The following CES5A variants were observed in gnomAD, a reference collection of about 807,000 sequenced individuals.
CES5A encodes carboxylesterase 5.
A neutral mutation model predicts 62.9 loss-of-function variants in CES5A; 67 were observed. The ratio of observed to expected loss-of-function variants is 1.07; its 90% CI spans 0.88 to 1.31. The LOEUF (loss-of-function observed/expected upper bound fraction) is 1.31. Among genes scored for constraint, CES5A ranks in the 50% most tolerant of loss-of-function variants. The pLI is 0.00. For missense variants in CES5A, 748 were observed against 708.5 expected (o/e 1.06, Z -0.63); for synonymous variants, 296 against 280.8 (o/e 1.05, Z -0.54).
At chr16:55,868,410 C>T (rs1417008731) in intron 4 of CES5A, among the ~76,000 whole-genome samples, 1 of 152,142 alleles carries the variant, frequency 6.6e-6, no homozygotes, top group Non-Finnish European at 1.5e-5. Context: ...GCACAGGTAG[C>T]ACCCTTTGCC....
rs370527653 is a variant in CES5A at position 55,846,481 on chromosome 16, G to T, written c.1698C>A (p.Leu566=). 10 of 1,613,808 alleles carry T rather than the reference G, an allele frequency of 6.2e-6. No homozygotes were observed. Among genetic ancestry groups the T allele is most frequent in the Non-Finnish European group, 8.5e-6 (10 of 1,179,834 alleles). Reference sequence around the variant, plus strand: ...GAGCACAAAAGAAAAAGAAAGGCTGGAGGAGAGAGAGGAAAGTTAAGGAAG... The same window carrying T: ...GAGCACAAAAGAAAAAGAAAGGCTGTAGGAGAGAGAGGAAAGTTAAGGAAG... ...PLSSLTFLSL[L]QPFFFFCAP Residue 566 remains leucine (L), a synonymous_variant, in exon 13 of 13, where the codon CTC becomes CTA. Coordinates refer to ENST00000290567, the MANE Select transcript of CES5A (RefSeq NM_001143685.2).
In CES5A at chr16:55,863,409, A is replaced by G; in HGVS notation, c.749T>C (p.Met250Thr). ...MAKGLFHKAIMESGVAIIPYL... is the reference protein window; with the variant it reads ...MAKGLFHKAITESGVAIIPYL... ...AGGGATGATGGCCACCCCACTCTCC[A>G]TGATGGCTTTGTGGAATAAGCCTTT... Residue 250 changes from methionine to threonine, a missense_variant, in exon 6 of 13, where the codon ATG becomes ACG. Met to Thr is a moderately conservative substitution (Grantham distance 81, BLOSUM62 -1). Coordinates refer to ENST00000290567, the MANE Select transcript of CES5A (RefSeq NM_001143685.2). 6.2e-7 allele frequency: 1 copy of G among 1,610,212 alleles called. No individual in the cohort carries two copies.
intron 10 of CES5A, among the ~76,000 whole-genome samples, chr16:55,851,488 G>A (rs185601476): frequency 2.5e-3 from 385 of 152,256 alleles, no homozygotes; most frequent in South Asian, 0.023. Context: ...AACAACAACA[G>A]AAGAAAATAA....
intron 1 of CES5A, among the ~76,000 whole-genome samples, chr16:55,887,537 C>T (rs192215260): frequency 6.6e-6 from 1 of 152,136 alleles, no homozygotes; most frequent in African/African-American, 2.4e-5. Context: ...GAGTCTGGAG[C>T]ATCTCACCAG....
At chr16:55,910,052 C>G (rs1215760577) in intron 1 of CES5A, among the ~76,000 whole-genome samples, 1 of 152,088 alleles carries the variant, frequency 6.6e-6, no homozygotes, top group South Asian at 2.1e-4. Flanking sequence ...TCAGTGAGCC[C>G]GACATGCCAT....
chr16:55,926,625 C>G (rs1203485762), upstream of CES5A, among the ~76,000 whole-genome samples: 1 of 152,234 alleles, frequency 6.6e-6, no homozygotes, highest in Non-Finnish European at 1.5e-5. Flanking sequence ...CACCAAAACT[C>G]TGGCAAAATT....
intron 1 of CES5A, among the ~76,000 whole-genome samples, chr16:55,897,218 A>C (rs2033943250): frequency 2.6e-5 from 4 of 152,054 alleles, no homozygotes. Context: ...TGCTGTCCTG[A>C]CAGAGAACCA....
At chr16:55,943,928 A>C in intron 2 of CES5A, 1 of 665,376 alleles carries the variant, frequency 1.5e-6, no homozygotes, top group Non-Finnish European at 2.7e-6. Context: ...TCTAGAGCTG[A>C]AGGGGCAGTA....
intron 2 of CES5A, among the ~76,000 whole-genome samples, chr16:55,948,361 A>C (rs1460172032): frequency 6.6e-6 from 1 of 152,206 alleles, no homozygotes; most frequent in African/African-American, 2.4e-5. Context: ...AGGAACAGTC[A>C]ATTATGCATC....
chr16:55,898,150 T>A (rs1202082430), intron 1 of CES5A, among the ~76,000 whole-genome samples: 1 of 152,164 alleles, frequency 6.6e-6, no homozygotes, highest in Non-Finnish European at 1.5e-5. Context: ...TTGGTAAAAA[T>A]TGATTTATGC....
chr16:55,871,555 G>A (rs2033585303), intron 3 of CES5A, 70 bp downstream of exon 3: 1 of 1,568,222 alleles, frequency 6.4e-7, no homozygotes, highest in African/African-American at 1.4e-5. Flanking sequence ...CAGACATGTA[G>A]CTGCACTGCC....
At chr16:55,918,933 T>C (rs1011351517) in intron 1 of CES5A, among the ~76,000 whole-genome samples, 1 of 152,250 alleles carries the variant, frequency 6.6e-6, no homozygotes, top group East Asian at 1.9e-4. Flanking sequence ...CCAGGGTGAG[T>C]ATCTCTACCA....
intron 1 of CES5A, among the ~76,000 whole-genome samples, chr16:55,905,480 C>T (rs2034031721): frequency 6.6e-6 from 1 of 151,994 alleles, no homozygotes; most frequent in Non-Finnish European, 1.5e-5. Flanking sequence ...AATTCTCCTG[C>T]CTCAGCCTCC....
chr16:55,876,780 C>T (rs1192960453), upstream of CES5A, among the ~76,000 whole-genome samples: 2 of 152,130 alleles, frequency 1.3e-5, no homozygotes, highest in African/African-American at 4.8e-5. Context: ...CCCTTGGATC[C>T]CAAATTCCTT....
intron 2 of CES5A, among the ~76,000 whole-genome samples, chr16:55,937,398 G>A (rs1184940847): frequency 6.6e-6 from 1 of 152,196 alleles, no homozygotes; most frequent in African/African-American, 2.4e-5. Flanking sequence ...AAAGCAGTGA[G>A]GCAGGCTTAC....
chr16:55,852,755 C>A, intron 10 of CES5A, 126 bp downstream of exon 10: 1 of 1,068,584 alleles, frequency 9.4e-7, no homozygotes, highest in Non-Finnish European at 1.3e-6. Context: ...TCCAGGCACA[C>A]CTGGAAATGC....
chr16:55,918,890 T>C (rs1185998128), intron 1 of CES5A, among the ~76,000 whole-genome samples: 1 of 152,192 alleles, frequency 6.6e-6, no homozygotes, highest in Non-Finnish European at 1.5e-5. Context: ...CTTTTATCCC[T>C]TCCCACTTCC....
chr16:55,928,513 C>A (rs2034279886), upstream of CES5A, among the ~76,000 whole-genome samples: 1 of 152,100 alleles, frequency 6.6e-6, no homozygotes, highest in African/African-American at 2.4e-5. Flanking sequence ...ACCCAGACTT[C>A]GTCACTATAC....
chr16:55,942,676 C>A (rs1368682305), intron 2 of CES5A, among the ~76,000 whole-genome samples: 2 of 152,160 alleles, frequency 1.3e-5, no homozygotes, highest in Admixed American at 1.3e-4. Context: ...ACATTCCACT[C>A]CTATTTCAAC....
Sources: gnomAD v4.1 joint callset for allele counts (sites outside exome capture counted in the v4.1 genomes callset) on GRCh38, gnomAD v4.1.1 for gene constraint, MANE v1.5 for transcripts, NCBI Gene and HGNC (gene_info 2026-07-23, HGNC 2026-07-21) for gene names.